Variants in SGMS1 observed in about 807,000 individuals in gnomAD.
SGMS1 encodes the protein sphingomyelin synthase 1, also known as phosphatidylcholine:ceramide cholinephosphotransferase 1.
In SGMS1, 13 loss-of-function variants were observed where a neutral mutation model predicts 46.2. The observed-to-expected ratio is 0.28, with a 90% CI of 0.18 to 0.45. The LOEUF is 0.45. Among genes scored for constraint, SGMS1 ranks in the 20% least tolerant of loss-of-function variants. The pLI, the probability that SGMS1 is intolerant of heterozygous loss-of-function variation, is 1.00. For synonymous variants in SGMS1, 203 were observed against 187.8 expected, an observed-to-expected ratio of 1.08 and a Z score of -0.66; for missense variants, 324 against 519.9, an observed-to-expected ratio of 0.62 and a Z score of 3.66.
chr10:50,620,030 G>A (rs982293349), intron 1 of SGMS1, among the ~76,000 whole-genome samples: 3 of 152,208 alleles, frequency 2.0e-5, no homozygotes, highest in African/African-American at 7.2e-5. Context: ...GAACAGCAAA[G>A]CATTCCAGCA....
At chr10:50,388,669 G>A (rs1028321517) in intron 6 of SGMS1, among the ~76,000 whole-genome samples, 9 of 151,882 alleles carry the variant, frequency 5.9e-5, no homozygotes, top group African/African-American at 9.7e-5. Flanking sequence ...CACATATAGC[G>A]AGCGCTTGAT....
intron 2 of SGMS1, among the ~76,000 whole-genome samples, chr10:50,520,381 CAA>C (rs143925495): frequency 4.7e-5 from 7 of 147,564 alleles, no homozygotes; most frequent in African/African-American, 1.7e-4. Flanking sequence ...GACCCCATCT[CAA>C]AAAAAAAACT....
chr10:50,383,913 C>T (rs1444232751), intron 6 of SGMS1, among the ~76,000 whole-genome samples: 4 of 152,110 alleles, frequency 2.6e-5, no homozygotes, highest in East Asian at 1.9e-4. Context: ...TGGTGCTATA[C>T]ACTGAATATA....
In SGMS1 at chr10:50,344,202, G is replaced by A; in HGVS notation, c.-88C>T. 1.3e-6 allele frequency: 2 copies of A among 1,490,242 alleles called. No homozygotes were observed. Among genetic ancestry groups the A allele is most frequent in the South Asian group, 1.4e-5 (1 of 72,794 alleles). The allele number at this position is 1,490,242 out of a possible 1,614,324, so 92.3% of individuals were successfully genotyped here. Reference sequence around the variant, plus strand: ...ACAGGGCAGGACACTGTCCTGCCTCGGCTCGTTCATCCTGTGGGGCCTCAT... The same window carrying A: ...ACAGGGCAGGACACTGTCCTGCCTCAGCTCGTTCATCCTGTGGGGCCTCAT... On this transcript the variant is annotated 5_prime_UTR_variant, in exon 7 of 11. Coordinates refer to ENST00000361781, the MANE Select transcript of SGMS1 (RefSeq NM_147156.4).
chr10:50,382,035 G>A (rs1352589895), intron 6 of SGMS1, among the ~76,000 whole-genome samples: 1 of 152,182 alleles, frequency 6.6e-6, no homozygotes, highest in East Asian at 1.9e-4. Context: ...ACATTTTTCT[G>A]AGACTATTGA....
intron 6 of SGMS1, among the ~76,000 whole-genome samples, chr10:50,388,521 T>C (rs1455230081): frequency 6.7e-6 from 1 of 148,466 alleles, no homozygotes; most frequent in African/African-American, 2.5e-5. Flanking sequence ...GGTGGGTGCC[T>C]GTAATCCTAG....
chr10:50,595,730 C>G (rs1361932669), intron 1 of SGMS1, among the ~76,000 whole-genome samples: 1 of 152,120 alleles, frequency 6.6e-6, no homozygotes, highest in East Asian at 1.9e-4. Flanking sequence ...ACCTTAAGGT[C>G]CTGGAAACAG....
intron 2 of SGMS1, among the ~76,000 whole-genome samples, chr10:50,575,981 C>T (rs1458566481): frequency 6.6e-6 from 1 of 152,148 alleles, no homozygotes; most frequent in Non-Finnish European, 1.5e-5. Context: ...CCTGCCTGAG[C>T]TATGTCCACT....
chr10:50,335,556 T>G (rs901903125), intron 7 of SGMS1: 5 of 152,222 alleles, frequency 3.3e-5, no homozygotes, highest in African/African-American at 1.2e-4. Flanking sequence ...AGAATGATCT[T>G]CCAGTGTAAG....
At chr10:50,453,255 G>GA (rs1002552317) in intron 5 of SGMS1, among the ~76,000 whole-genome samples, 24 of 151,814 alleles carry the variant, frequency 1.6e-4, no homozygotes, top group African/African-American at 5.6e-4. Context: ...AATTTTATCT[G>GA]AAAAAACTAC....
chr10:50,575,292 G>A (rs1331012746), intron 2 of SGMS1, among the ~76,000 whole-genome samples: 1 of 152,090 alleles, frequency 6.6e-6, no homozygotes, highest in African/African-American at 2.4e-5. Context: ...AGTGGCTCAC[G>A]CCTACAATTC....
At chr10:50,602,443 C>A (rs560390805) in intron 1 of SGMS1, among the ~76,000 whole-genome samples, 1 of 152,306 alleles carries the variant, frequency 6.6e-6, no homozygotes, top group East Asian at 1.9e-4. Flanking sequence ...ACTGGCTGAA[C>A]CAAGCATGAT....
At position 50,511,965 on chromosome 10, in the gene SGMS1, C is replaced by A. The variant is rs369220617; in HGVS notation, c.-498+7866G>T. On this transcript the variant is annotated intron_variant, in intron 3 of 10. Transcript: ENST00000361781. ...GACTCATCTCCGTATCTCCTGGCAT[C>A]TGTACCCTCAGCTCCCACGCACACA... Among the ~76,000 whole-genome samples, 17 of 152,294 alleles carry A rather than the reference C, an allele frequency of 1.1e-4. No homozygotes were observed. In the East Asian group the frequency reaches 2.1e-3, roughly 19 times the overall value.
At chr10:50,543,487 T>TA (rs1322834178) in intron 2 of SGMS1, among the ~76,000 whole-genome samples, 2 of 152,110 alleles carry the variant, frequency 1.3e-5, no homozygotes, top group Non-Finnish European at 2.9e-5. Flanking sequence ...GTGGTAGAGG[T>TA]AAAAAAATCA....
chr10:50,343,774 T>A lies in SGMS1; in HGVS notation c.341A>T (p.Glu114Val). 6.2e-7 allele frequency: 1 copy of A among 1,614,200 alleles called. No individual in the cohort carries two copies. Among genetic ancestry groups the A allele is most frequent in the Non-Finnish European group, 8.5e-7 (1 of 1,180,040 alleles). ...PNGMPNGYRK[E>V]MIKIPMPELE... ...TTCTGGCATGGGGATCTTTATCATC[T>A]CTTTCCTATACCCATTTGGCATCCC... Residue 114 changes from glutamate (E) to valine (V), a missense_variant, in exon 7 of 11, where the codon GAG becomes GTG. By Grantham distance (121) the Glu-to-Val change is moderately radical (BLOSUM62 -2). Coordinates refer to ENST00000361781, the MANE Select transcript of SGMS1 (RefSeq NM_147156.4).
chr10:50,600,611 C>A (rs1441620922), intron 1 of SGMS1, among the ~76,000 whole-genome samples: 1 of 152,188 alleles, frequency 6.6e-6, no homozygotes, highest in Non-Finnish European at 1.5e-5. Flanking sequence ...GAGCAGATGC[C>A]AAATTGATGG....
chr10:50,400,066 A>C (rs1010211665), intron 6 of SGMS1, among the ~76,000 whole-genome samples: 5 of 151,684 alleles, frequency 3.3e-5, no homozygotes, highest in African/African-American at 1.2e-4. Context: ...GGAATCTGGA[A>C]GTACGTGCGT....
Position 50,421,905 on chromosome 10 carries a change from G to T in SGMS1, c.-232+11571C>A, listed in dbSNP as rs567532664. 5.9e-5 allele frequency among the ~76,000 whole-genome samples: 9 copies of T among 152,286 alleles called. 1 individual carries two copies. In the South Asian group the frequency reaches 1.5e-3, roughly 25 times the overall value. On this transcript the variant is annotated intron_variant, in intron 6 of 10. Coordinates refer to ENST00000361781, the MANE Select transcript of SGMS1 (RefSeq NM_147156.4). ...TTAGTCCAGGCCTCTCAGCTGCTGG[G>T]TGGTTACCAGCTAAGGTGACAGAGT...
chr10:50,361,194 CCAA>C (rs1196260423), intron 6 of SGMS1, among the ~76,000 whole-genome samples: 2 of 152,156 alleles, frequency 1.3e-5, no homozygotes, highest in African/African-American at 4.8e-5. Flanking sequence ...TACAGAAAAT[CCAA>C]CAGTGATCAG....
Sources: gnomAD v4.1 joint callset for allele counts (sites outside exome capture counted in the v4.1 genomes callset) on GRCh38, gnomAD v4.1.1 for gene constraint, MANE v1.5 for transcripts, NCBI Gene and HGNC (gene_info 2026-07-23, HGNC 2026-07-21) for gene names.